The following ATG7 variants were observed in gnomAD, a reference collection of about 807,000 sequenced individuals.
ATG7 encodes the protein ubiquitin-like modifier-activating enzyme ATG7.
In ATG7, 70 loss-of-function variants were observed where a neutral mutation model predicts 82.4. The observed-to-expected ratio is 0.85, with a 90% confidence interval of 0.70 to 1.04. The LOEUF (loss-of-function observed/expected upper bound fraction) is 1.04, where lower values mean the gene tolerates loss of function less well. ATG7 is among the 50% of genes least tolerant of loss of function. The probability of loss-of-function intolerance (pLI) is 0.00; values close to 1 mark genes in which losing one functional copy is unlikely to be tolerated. For synonymous variants in ATG7, 287 were observed against 313.0 expected, an observed-to-expected ratio of 0.92 and a Z score of 0.88; for missense variants, 792 against 864.3, an observed-to-expected ratio of 0.92 and a Z score of 1.05.
At chr3:11,552,240 G>A (rs896241010) in intron 20 of ATG7, among the ~76,000 whole-genome samples, 2 of 152,048 alleles carry the variant, frequency 1.3e-5, no homozygotes, top group East Asian at 1.9e-4. Context: ...TTTTCCTTAG[G>A]GTTGAATGTT....
At chr3:11,567,286 C>T in the ATG7 span, among the ~76,000 whole-genome samples, 1 of 152,124 alleles carries the variant, frequency 6.6e-6, no homozygotes, top group Non-Finnish European at 1.5e-5. Context: ...GCAGTGCAGC[C>T]CTCAGTGAGC....
At chr3:11,338,137 G>A (rs866560003) in intron 11 of ATG7, among the ~76,000 whole-genome samples, 15 of 152,040 alleles carry the variant, frequency 9.9e-5, no homozygotes, top group African/African-American at 3.4e-4. Context: ...AGGCCCCAGT[G>A]TCTGCTGTTC....
intron 20 of ATG7, among the ~76,000 whole-genome samples, chr3:11,490,152 T>C (rs1266846369): frequency 1.3e-5 from 2 of 152,144 alleles, no homozygotes; most frequent in Admixed American, 6.5e-5. Flanking sequence ...TTTATGAATC[T>C]AGGTGCTCCT....
chr3:11,390,017 A>G (rs545077473), intron 19 of ATG7, among the ~76,000 whole-genome samples: 25 of 152,286 alleles, frequency 1.6e-4, no homozygotes, highest in African/African-American at 5.8e-4. Context: ...TCCACAAAGG[A>G]CCTTGAAGGG....
chr3:11,429,969 T>A (rs1020933859), intron 20 of ATG7, among the ~76,000 whole-genome samples: 1 of 123,254 alleles, frequency 8.1e-6, no homozygotes, highest in African/African-American at 2.8e-5. Context: ...AAAAAAAAAA[T>A]TCTGTGAAAA....
At chr3:11,465,609 ATAAAAAT>A (rs1036914435) in intron 20 of ATG7, among the ~76,000 whole-genome samples, 1 of 151,884 alleles carries the variant, frequency 6.6e-6, no homozygotes, top group Non-Finnish European at 1.5e-5. Flanking sequence ...ATAATAAAAA[ATAAAAAT>A]TAGCTGGGCG....
intron 20 of ATG7, among the ~76,000 whole-genome samples, chr3:11,471,620 C>A (rs1576652158): frequency 6.7e-6 from 1 of 150,026 alleles, no homozygotes; most frequent in Non-Finnish European, 1.5e-5. Flanking sequence ...CATTTATATT[C>A]CCCAGGTGAT....
chr3:11,336,338 T>C (rs1448041174), intron 11 of ATG7, among the ~76,000 whole-genome samples: 1 of 152,126 alleles, frequency 6.6e-6, no homozygotes, highest in East Asian at 1.9e-4. Context: ...CAGCCGATGC[T>C]GACATTTAAA....
chr3:11,317,448 C>G (rs1402289424), intron 9 of ATG7, among the ~76,000 whole-genome samples: 6 of 152,110 alleles, frequency 3.9e-5, no homozygotes, highest in Non-Finnish European at 7.4e-5. Context: ...CATACTTGAT[C>G]TTTTTATGAT....
At chr3:11,519,548 T>TG (rs2092381302) in intron 20 of ATG7, among the ~76,000 whole-genome samples, 2 of 66,736 alleles carry the variant, frequency 3.0e-5, no homozygotes, top group South Asian at 4.7e-4. Context: ...AGTTTTTTTT[T>TG]TTTTTTTTTT....
chr3:11,416,070 T>C (rs1418898019), intron 19 of ATG7, among the ~76,000 whole-genome samples: 2 of 152,244 alleles, frequency 1.3e-5, no homozygotes, highest in African/African-American at 4.8e-5. Flanking sequence ...CCTCCTTGAC[T>C]GAAATGTCAT....
chr3:11,428,834 A>G (rs1185997496), intron 20 of ATG7, among the ~76,000 whole-genome samples: 5 of 152,190 alleles, frequency 3.3e-5, no homozygotes, highest in East Asian at 3.9e-4. Context: ...AATTGACCCA[A>G]TTTTTCACTC....
the ATG7 span, chr3:11,565,153 T>A: frequency 1.1e-6 from 1 of 921,604 alleles, no homozygotes; most frequent in Non-Finnish European, 1.5e-6. This position sits in a 1 kb window ranked among gnomAD's most constrained non-coding sequence, Gnocchi z 4.1. Flanking sequence ...GGCAGCACGA[T>A]GAGGAGCCGG....
intron 20 of ATG7, among the ~76,000 whole-genome samples, chr3:11,502,075 A>G (rs1215886348): frequency 1.3e-5 from 2 of 152,060 alleles, no homozygotes; most frequent in Non-Finnish European, 2.9e-5. Flanking sequence ...CTGTCATGTA[A>G]AATAACAGTA....
intron 11 of ATG7, among the ~76,000 whole-genome samples, chr3:11,334,010 A>G (rs1206118206): frequency 3.3e-5 from 5 of 151,926 alleles, no homozygotes; most frequent in African/African-American, 9.7e-5. Flanking sequence ...CAGCCTCCCA[A>G]AGTGCTGGGA....
intron 1 of ATG7, among the ~76,000 whole-genome samples, chr3:11,274,293 C>A (rs1941216522): frequency 6.6e-6 from 1 of 152,106 alleles, no homozygotes; most frequent in African/African-American, 2.4e-5. Flanking sequence ...ACATCCCTGT[C>A]CTCAAAGAGT....
intron 20 of ATG7, among the ~76,000 whole-genome samples, chr3:11,460,334 A>G (rs1356046247): frequency 6.6e-6 from 1 of 152,208 alleles, no homozygotes; most frequent in African/African-American, 2.4e-5. Flanking sequence ...AAATATGCCA[A>G]ATCAGCTTCT....
chr3:11,446,588 G>A (rs1311212790), intron 20 of ATG7: 1 of 395,020 alleles, frequency 2.5e-6, no homozygotes, highest in African/African-American at 2.2e-5. Flanking sequence ...TCATAAATGA[G>A]CCTTTAAAAG....
In ATG7 at chr3:11,308,982, A is replaced by C. The variant is rs1399262146; in HGVS notation, c.334-2A>C. ...GCCTTGATGCTTTTCTTCTTCTTGC[A>C]GATATGGGAATCCATAAAATCAGGC... On this transcript the variant is annotated splice_acceptor_variant, in intron 6 of 20. Coordinates refer to ENST00000693202, the MANE Select transcript of ATG7 (RefSeq NM_001349232.2). LOFTEE classifies it high-confidence loss of function. The C allele has an allele frequency of 6.2e-7, 1 of 1,612,878 alleles. No homozygotes were observed.
Sources: allele counts gnomAD v4.1 joint callset (sites outside exome capture counted in the v4.1 genomes callset), GRCh38; gene constraint gnomAD v4.1.1; non-coding constraint Gnocchi (gnomAD v3.1); transcripts MANE v1.5; gene names NCBI Gene and HGNC (gene_info 2026-07-23, HGNC 2026-07-21).